HTR4: variants seen among roughly 807,000 people sequenced by gnomAD.
HTR4 encodes 5-hydroxytryptamine receptor 4.
HTR4 carries 16 observed loss-of-function variants against 36.8 expected under a neutral mutation model. That is an observed-to-expected ratio of 0.43 (90% CI 0.29 to 0.66). HTR4 has a LOEUF of 0.66. HTR4 is among the 30% of genes least tolerant of loss of function. The pLI is 0.13. For synonymous variants in HTR4, 189 were observed against 185.1 expected (o/e 1.02, Z -0.17); for missense variants, 438 against 490.9 (o/e 0.89, Z 1.02).
chr5:148,457,839 T>A (rs1395414477), intron 5 of HTR4, among the ~76,000 whole-genome samples: 6 of 141,308 alleles, frequency 4.2e-5, no homozygotes, highest in Non-Finnish European at 6.1e-5. Flanking sequence ...ATATATTTTG[T>A]TATATCATTA....
intron 2 of HTR4, among the ~76,000 whole-genome samples, chr5:148,570,115 C>T (rs1561625630): frequency 1.3e-5 from 2 of 151,996 alleles, no homozygotes. Context: ...GGTGTGAGCC[C>T]AGCTCCAAGC....
At position 148,509,998 on chromosome 5, in the gene HTR4, G is replaced by A. The variant is rs377436519; in HGVS notation, c.534C>T (p.Asn178=). The A allele has an allele frequency of 9.9e-6, 16 of 1,612,654 alleles. No individual in the cohort carries two copies. The Admixed American group carries it at 1.0e-4, about 10-fold the overall frequency. Residue 178 remains asparagine, a synonymous_variant, in exon 6 of 7, where the codon AAC becomes AAT. Transcript: ENST00000377888. ...DLIEKRKFNQ[N]SNSTYCVFMV... Reference sequence around the variant, plus strand: ...TGAAGACACAGTACGTAGAGTTAGAGTTCTGGTTGAACTTCCTCTTTTCTA... The same window carrying A: ...TGAAGACACAGTACGTAGAGTTAGAATTCTGGTTGAACTTCCTCTTTTCTA...
intron 5 of HTR4, among the ~76,000 whole-genome samples, chr5:148,518,191 A>G (rs1052063274): frequency 1.3e-5 from 2 of 152,070 alleles, no homozygotes; most frequent in South Asian, 2.1e-4. Context: ...CTGCTTTTTC[A>G]TAGTACTTAC....
At chr5:148,631,574 T>TA (rs1316382112) in intron 2 of HTR4, among the ~76,000 whole-genome samples, 42 of 152,326 alleles carry the variant, frequency 2.8e-4, no homozygotes, top group African/African-American at 9.6e-4. Context: ...CATTAAAAAT[T>TA]ACCATTTCAT....
At chr5:148,458,393 C>T (rs1340651353) in intron 5 of HTR4, among the ~76,000 whole-genome samples, 4 of 151,874 alleles carry the variant, frequency 2.6e-5, no homozygotes, top group African/African-American at 9.7e-5. Context: ...AGGCACAGTG[C>T]CATGCCTTGG....
intron 2 of HTR4, among the ~76,000 whole-genome samples, chr5:148,635,900 A>G (rs1753516266): frequency 6.6e-6 from 1 of 152,298 alleles, no homozygotes; most frequent in Non-Finnish European, 1.5e-5. Context: ...CAAAGTCCAC[A>G]CACTTTTATT....
downstream of HTR4, among the ~76,000 whole-genome samples, chr5:148,474,565 T>G (rs563543836): frequency 6.6e-6 from 1 of 152,312 alleles, no homozygotes; most frequent in South Asian, 2.1e-4. Flanking sequence ...ATGTCTGCCC[T>G]TTCATTCAGG....
At chr5:148,605,262 T>C (rs1019859701) in intron 2 of HTR4, among the ~76,000 whole-genome samples, 8 of 144,108 alleles carry the variant, frequency 5.6e-5, no homozygotes, top group Admixed American at 2.1e-4. Context: ...TTTTCTTTTT[T>C]TTTTTTTTTT....
chr5:148,508,226 A>G (rs1323838235), intron 6 of HTR4, among the ~76,000 whole-genome samples: 3 of 152,218 alleles, frequency 2.0e-5, no homozygotes, highest in Admixed American at 6.5e-5. Flanking sequence ...GAAAAATTAA[A>G]TGCTTGTTTC....
intron 4 of HTR4, among the ~76,000 whole-genome samples, chr5:148,546,965 G>C (rs1016487128): frequency 6.6e-6 from 1 of 152,148 alleles, no homozygotes; most frequent in Non-Finnish European, 1.5e-5. Flanking sequence ...CCATGGGTCT[G>C]GTTGCTTGCC....
intron 2 of HTR4, among the ~76,000 whole-genome samples, chr5:148,590,287 CTTTTTTTTTTTTT>C (rs779077579): frequency 9.0e-5 from 3 of 33,320 alleles, no homozygotes; most frequent in African/African-American, 2.7e-4. Context: ...TTTTTCTTTT[CTTTTTTTTTTTTT>C]TTTTTTTTTT....
At position 148,521,479 on chromosome 5, in the gene HTR4, T is replaced by C. The variant is rs548287315; in HGVS notation, c.507+1714A>G. ...ATATCAGTTTTTCCTGCCTTTGGAC[T>C]CAAACTAAAACATTGACTCTCCTGG... is the stretch of plus-strand genomic sequence containing the variant. On this transcript the variant is annotated intron_variant, in intron 5 of 6. Coordinates refer to ENST00000377888, the MANE Select transcript of HTR4 (RefSeq NM_000870.7). Among the ~76,000 whole-genome samples, 15 of 151,944 alleles carry C rather than the reference T, an allele frequency of 9.9e-5. No individual in the cohort carries two copies. In the South Asian group the frequency reaches 2.9e-3, roughly 30 times the overall value.
rs964561502 is a variant in HTR4 at position 148,564,732 on chromosome 5, G to A, written c.27-14470C>T. On this transcript the variant is annotated intron_variant, in intron 2 of 6. Transcript: ENST00000377888. Reference sequence around the variant, plus strand: ...CAAGTTTCTCCAGAGAATATCAGAAGCCTTTCCCACATTGTACTCTTTAGG... The same window carrying A: ...CAAGTTTCTCCAGAGAATATCAGAAACCTTTCCCACATTGTACTCTTTAGG... Among the ~76,000 whole-genome samples the A allele has an allele frequency of 8.5e-5, 13 of 152,244 alleles. 5 individuals carry two copies. The highest frequency in any genetic ancestry group is 8.5e-4 in the Admixed American group (13 of 15,282).
At chr5:148,605,820 G>C (rs116144011) in intron 2 of HTR4, among the ~76,000 whole-genome samples, 2,514 of 152,010 alleles carry the variant, frequency 0.017, 31 homozygotes, top group Middle Eastern at 0.055. Context: ...ACAGAGTGTA[G>C]CAGTCTCTTC....
At chr5:148,583,611 CCATCATCATCATCATCAT>C (rs112185238) in intron 2 of HTR4, among the ~76,000 whole-genome samples, 20 of 147,992 alleles carry the variant, frequency 1.4e-4, no homozygotes, top group South Asian at 4.3e-4. Flanking sequence ...ATACTAATTG[CCATCATCATCATCATCAT>C]CATCATCATC....
chr5:148,507,759 GA>G (rs1757296124), intron 6 of HTR4, among the ~76,000 whole-genome samples: 2 of 152,006 alleles, frequency 1.3e-5, no homozygotes, highest in African/African-American at 2.4e-5. Context: ...AACTCTCTAT[GA>G]AAAAAACCAT....
rs199893908 is a variant in HTR4 at position 148,482,907 on chromosome 5, T to A, written c.*296A>T. 27 of 1,292,732 alleles carry A rather than the reference T, an allele frequency of 2.1e-5. No individual in the cohort carries two copies. Among genetic ancestry groups the A allele is most frequent in the Non-Finnish European group, 2.7e-5 (27 of 1,010,520 alleles). The allele number at this position is 1,292,732 out of a possible 1,614,324, so 80.1% of individuals were successfully genotyped here. ...CGTGAGTGAGACAGATCAGACACAG[T>A]GAGTGACGGGAACATGTCAGAGACA... is the stretch of plus-strand genomic sequence containing the variant. On this transcript the variant is annotated 3_prime_UTR_variant, in exon 7 of 7. Coordinates refer to ENST00000377888, the MANE Select transcript of HTR4 (RefSeq NM_000870.7).
At chr5:148,463,822 C>T (rs1434161494) in intron 5 of HTR4, among the ~76,000 whole-genome samples, 1 of 151,650 alleles carries the variant, frequency 6.6e-6, no homozygotes, top group Admixed American at 6.6e-5. Context: ...TGATACTACC[C>T]AACTTCAAGA....
chr5:148,497,163 G>A (rs1033338386), intron 6 of HTR4, among the ~76,000 whole-genome samples: 2 of 151,976 alleles, frequency 1.3e-5, no homozygotes, highest in African/African-American at 2.4e-5. Context: ...TTTAGTTATT[G>A]CTTCTGTGGA....
Sources: allele counts gnomAD v4.1 joint callset (sites outside exome capture counted in the v4.1 genomes callset), GRCh38; gene constraint gnomAD v4.1.1; transcripts MANE v1.5; gene names NCBI Gene and HGNC (gene_info 2026-07-23, HGNC 2026-07-21).